Variants in TENM4 observed in about 807,000 individuals in gnomAD.
The protein encoded by TENM4 is teneurin transmembrane protein 4.
TENM4 carries 82 observed loss-of-function variants against 243.3 expected under a neutral mutation model. The observed-to-expected ratio is 0.34, with a 90% CI of 0.28 to 0.40. The LOEUF (loss-of-function observed/expected upper bound fraction) is 0.40. TENM4 is among the 10% of genes least tolerant of loss of function. The pLI is 1.00. For missense variants in TENM4, 3,138 were observed against 3,673.3 expected (o/e 0.85, Z 3.77); for synonymous variants, 1,412 against 1,456.3 (o/e 0.97, Z 0.69).
At chr11:79,347,154 A>C (rs908434808) in intron 1 of TENM4, among the ~76,000 whole-genome samples, 20 of 152,164 alleles carry the variant, frequency 1.3e-4, no homozygotes, top group African/African-American at 4.8e-4. Flanking sequence ...CTTCCATGTA[A>C]ACTTCACTAG....
intron 7 of TENM4, among the ~76,000 whole-genome samples, chr11:78,892,736 C>T (rs1855698050): frequency 6.6e-6 from 1 of 152,176 alleles, no homozygotes; most frequent in Non-Finnish European, 1.5e-5. Flanking sequence ...TTATTCCTCA[C>T]AATAACCCTA....
At chr11:78,998,305 ACTTT>A (rs1480095329) in intron 6 of TENM4, among the ~76,000 whole-genome samples, 2 of 152,158 alleles carry the variant, frequency 1.3e-5, no homozygotes, top group Non-Finnish European at 2.9e-5. Flanking sequence ...TCTGAGCTTC[ACTTT>A]CTTTATCTTT....
chr11:78,992,767 C>T (rs992901583), intron 6 of TENM4, among the ~76,000 whole-genome samples: 5 of 152,318 alleles, frequency 3.3e-5, no homozygotes. Context: ...AACCTACAAT[C>T]TCACTTACTA....
At chr11:78,719,375 T>C (rs1859593638) in intron 25 of TENM4, among the ~76,000 whole-genome samples, 1 of 148,750 alleles carries the variant, frequency 6.7e-6, no homozygotes, top group Non-Finnish European at 1.5e-5. Context: ...TACATGTGAA[T>C]TATTAAATAA....
chr11:78,859,071 A>AGTGGTGGT (rs1462651690), intron 10 of TENM4, among the ~76,000 whole-genome samples: 1 of 152,204 alleles, frequency 6.6e-6, no homozygotes, highest in African/African-American at 2.4e-5. Flanking sequence ...AGACATTCTC[A>AGTGGTGGT]GTGGTGGTGG....
At chr11:78,742,598 C>T (rs2135915464) in intron 19 of TENM4, among the ~76,000 whole-genome samples, 1 of 152,276 alleles carries the variant, frequency 6.6e-6, no homozygotes. Flanking sequence ...ATAAAACAAG[C>T]AGTTAGGCTA....
chr11:79,389,870 G>A (rs486701), intron 1 of TENM4, among the ~76,000 whole-genome samples: 77,172 of 152,070 alleles, frequency 0.51, 19,690 homozygotes, highest in East Asian at 0.55. Context: ...TACTCACATA[G>A]TAGACTCAAT....
intron 3 of TENM4, among the ~76,000 whole-genome samples, chr11:79,211,533 C>T (rs977194046): frequency 3.9e-5 from 6 of 152,262 alleles, no homozygotes; most frequent in South Asian, 2.1e-4. Context: ...TATGAACTCA[C>T]GGTGGAGTTT....
At chr11:78,708,984 T>TTTTTAA (rs59432159) in intron 26 of TENM4, among the ~76,000 whole-genome samples, 4 of 145,258 alleles carry the variant, frequency 2.8e-5, no homozygotes, top group African/African-American at 1.1e-4. Context: ...TTTTTTTTTT[T>TTTTTAA]AAAAAAAGAG....
At position 78,854,319 on chromosome 11, in the gene TENM4, AAGAC is replaced by A. The variant is rs1443535293; in HGVS notation, c.1471-9_1471-6del. 22 of 1,494,648 alleles carry A rather than the reference AAGAC, an allele frequency of 1.5e-5. No individual in the cohort carries two copies. The highest frequency in any genetic ancestry group is 1.8e-4 in the Middle Eastern group (1 of 5,552). 92.6% of individuals were successfully genotyped at this position (1,494,648 alleles called of 1,614,324 possible). A position where few individuals can be genotyped will look rare whatever the true frequency, so the allele number is the denominator to read the frequency against. ...CAGCAGCTCCACAAAGTCAAACTGA[AAGAC>A]AGAGAAAGCACAGTTAGCAGTGGGT... On this transcript the variant is annotated splice_region_variant and splice_polypyrimidine_tract_variant and intron_variant, in intron 11 of 33. Coordinates refer to ENST00000278550, the MANE Select transcript of TENM4 (RefSeq NM_001098816.3).
intron 6 of TENM4, among the ~76,000 whole-genome samples, chr11:78,907,741 A>T (rs1486344249): frequency 6.6e-6 from 1 of 152,164 alleles, no homozygotes; most frequent in African/African-American, 2.4e-5. Flanking sequence ...AAAGAACAAC[A>T]ACTCAGGTAG....
At chr11:78,893,819 CTCTT>C (rs1367436481) in intron 7 of TENM4, among the ~76,000 whole-genome samples, 2 of 85,778 alleles carry the variant, frequency 2.3e-5, no homozygotes, top group East Asian at 2.0e-4. Flanking sequence ...TTCTCTCTCT[CTCTT>C]TCTGATGAAA....
chr11:78,950,523 G>A (rs1310216359), intron 6 of TENM4, among the ~76,000 whole-genome samples: 3 of 152,210 alleles, frequency 2.0e-5, no homozygotes, highest in Non-Finnish European at 2.9e-5. Flanking sequence ...ATTGTGAAGA[G>A]CCAGGCACAC....
chr11:78,723,061 AC>A (rs143624119), intron 23 of TENM4, 144 bp from the exon 24 acceptor site: 21 of 1,170,122 alleles, frequency 1.8e-5, no homozygotes, highest in Non-Finnish European at 2.0e-5. Context: ...GCTTTGCCTC[AC>A]CCCCCCAATG....
chr11:78,805,699 C>T (rs1232592007), intron 14 of TENM4, among the ~76,000 whole-genome samples: 4 of 152,164 alleles, frequency 2.6e-5, no homozygotes, highest in Non-Finnish European at 5.9e-5. Flanking sequence ...CCTACCACTT[C>T]GTTTGTGGGG....
chr11:79,140,118 C>G (rs1862258522), intron 4 of TENM4, among the ~76,000 whole-genome samples: 1 of 151,888 alleles, frequency 6.6e-6, no homozygotes, highest in Admixed American at 6.6e-5. Flanking sequence ...CCATCTCTCC[C>G]TATATGCCTC....
chr11:78,767,737 A>G (rs1034384971), intron 18 of TENM4, among the ~76,000 whole-genome samples: 2 of 152,224 alleles, frequency 1.3e-5, no homozygotes, highest in Non-Finnish European at 2.9e-5. Context: ...TGAGACTCTA[A>G]CACAATTTCC....
chr11:79,415,614 A>G (rs1858796651), intron 1 of TENM4, among the ~76,000 whole-genome samples: 1 of 152,182 alleles, frequency 6.6e-6, no homozygotes, highest in Non-Finnish European at 1.5e-5. Context: ...TGGGGCTGGG[A>G]GTCAAACTCC....
chr11:79,118,691 T>C (rs1565211092), intron 4 of TENM4, among the ~76,000 whole-genome samples: 3 of 152,232 alleles, frequency 2.0e-5, no homozygotes, highest in Non-Finnish European at 2.9e-5. Flanking sequence ...ACTTACATAA[T>C]ATTCTTCAGG....
Sources: gnomAD v4.1 joint callset for allele counts (sites outside exome capture counted in the v4.1 genomes callset) on GRCh38, gnomAD v4.1.1 for gene constraint, MANE v1.5 for transcripts, NCBI Gene and HGNC (gene_info 2026-07-23, HGNC 2026-07-21) for gene names.